CSNK1A1: variants seen among roughly 807,000 people sequenced by gnomAD.
CSNK1A1 encodes the protein casein kinase I isoform alpha.
A neutral mutation model predicts 46.1 loss-of-function variants in CSNK1A1; 7 were observed. That is an observed-to-expected ratio of 0.15 (90% CI 0.09 to 0.29). The LOEUF is 0.29. Among genes scored for constraint, CSNK1A1 ranks in the 10% least tolerant of loss-of-function variants. The probability of loss-of-function intolerance (pLI) is 1.00; values close to 1 mark genes in which losing one functional copy is unlikely to be tolerated. For missense variants in CSNK1A1, 96 were observed against 417.1 expected, an observed-to-expected ratio of 0.23 and a Z score of 6.71; for synonymous variants, 137 against 141.5, an observed-to-expected ratio of 0.97 and a Z score of 0.23.
intron 7 of CSNK1A1, 101 bp downstream of exon 7, chr5:149,509,778 G>A: frequency 5.6e-6 from 4 of 719,328 alleles, no homozygotes; most frequent in Non-Finnish European, 9.0e-6. Context: ...CTGGGCTCAT[G>A]TGACCTACTG....
At chr5:149,513,671 A>G (rs1227675482) in intron 4 of CSNK1A1, among the ~76,000 whole-genome samples, 1 of 152,112 alleles carries the variant, frequency 6.6e-6, no homozygotes, top group African/African-American at 2.4e-5. Context: ...AGGCTGAGGC[A>G]GGCGGATAAC....
At chr5:149,549,564 G>C in intron 2 of CSNK1A1, 1 of 697,836 alleles carries the variant, frequency 1.4e-6, no homozygotes, top group Non-Finnish European at 2.6e-6. Context: ...CTGAGAAAAG[G>C]GCAGGAATAT....
At chr5:149,503,943 A>G in intron 9 of CSNK1A1, 1 of 985,470 alleles carries the variant, frequency 1.0e-6, no homozygotes, top group Non-Finnish European at 1.2e-6. Context: ...GAGAAAAAGC[A>G]AATATACTAT....
rs577922239 is a variant in CSNK1A1, at chr5:149,494,788, T to C, written c.*2065A>G. 1.3e-5 allele frequency: 2 copies of C among 152,294 alleles called. No homozygotes were observed. The highest frequency in any genetic ancestry group is 4.8e-5 in the African/African-American group (2 of 41,578). The allele number at this position is 152,294 out of a possible 1,614,324, so 9.4% of individuals were successfully genotyped here. A position where few individuals can be genotyped will look rare whatever the true frequency, so the allele number is the denominator to read the frequency against. ...TTACAAAGCTAACAGCAGTTTTAAA[T>C]CTGCAACTTAATTACAGACCAACTA... is the stretch of plus-strand genomic sequence containing the variant. On this transcript the variant is annotated 3_prime_UTR_variant, in exon 10 of 10. Transcript: ENST00000377843.
At chr5:149,515,370 G>C (rs903030821) in intron 4 of CSNK1A1, among the ~76,000 whole-genome samples, 1 of 152,140 alleles carries the variant, frequency 6.6e-6, no homozygotes, top group Non-Finnish European at 1.5e-5. Flanking sequence ...ACAACCAAAA[G>C]ACTGCTTTAT....
At chr5:149,504,063 TGG>T (rs1208902436) in intron 9 of CSNK1A1, 32 of 985,324 alleles carry the variant, frequency 3.2e-5, no homozygotes, top group Non-Finnish European at 3.9e-5. Flanking sequence ...ATGAACTTCT[TGG>T]CACTATGATT....
At chr5:149,512,038 T>C (rs1403834897) in intron 5 of CSNK1A1, among the ~76,000 whole-genome samples, 166 bp from the exon 6 acceptor site, 1 of 152,174 alleles carries the variant, frequency 6.6e-6, no homozygotes, top group African/African-American at 2.4e-5. Flanking sequence ...GTTCATGTGT[T>C]ACCTACCTCT....
At position 149,526,437 on chromosome 5, in the gene CSNK1A1, G is replaced by C. The variant is rs1214240596; in HGVS notation, c.231-1266C>G. ...CTGCCTCAGCCTCCCAAAGCACTGGGATTACAAGTTGAACCACTGTACCTC... is the reference window on the plus strand; with the variant it reads ...CTGCCTCAGCCTCCCAAAGCACTGGCATTACAAGTTGAACCACTGTACCTC... On this transcript the variant is annotated intron_variant, in intron 2 of 9. Coordinates refer to ENST00000377843, the MANE Select transcript of CSNK1A1 (RefSeq NM_001892.6). Among the ~76,000 whole-genome samples, 4 of 152,256 alleles carry C rather than the reference G, an allele frequency of 2.6e-5. No homozygotes were observed. The South Asian group carries it at 8.3e-4, about 32-fold the overall frequency.
At chr5:149,506,683 C>G (rs1006671317) in intron 8 of CSNK1A1, among the ~76,000 whole-genome samples, 3 of 152,138 alleles carry the variant, frequency 2.0e-5, no homozygotes, top group African/African-American at 7.2e-5. Flanking sequence ...GACTCCATGA[C>G]TATGTGATAT....
intron 9 of CSNK1A1, chr5:149,499,255 T>G (rs932739325): frequency 1.0e-5 from 10 of 973,748 alleles, no homozygotes; most frequent in Non-Finnish European, 1.2e-5. Flanking sequence ...CCATCTTCAC[T>G]GTAACATCAG....
At chr5:149,542,636 A>G (rs931744757) in intron 2 of CSNK1A1, among the ~76,000 whole-genome samples, 764 of 9,698 alleles carry the variant, frequency 0.079, 64 homozygotes, top group East Asian at 0.2. Flanking sequence ...ATATATATAT[A>G]TATGTATATA....
At chr5:149,501,064 A>T in intron 9 of CSNK1A1, 2 of 985,382 alleles carry the variant, frequency 2.0e-6, no homozygotes, top group Admixed American at 6.1e-5. Flanking sequence ...TGCATTCAAC[A>T]CCACTGAGTC....
Position 149,494,516 on chromosome 5 carries a change from G to A in CSNK1A1, c.*2337C>T, listed in dbSNP as rs772888185. On this transcript the variant is annotated 3_prime_UTR_variant, in exon 10 of 10. Transcript: ENST00000377843. Reference sequence around the variant, plus strand: ...AAGCCACTGTGGAGCCTTAAGTGGTGAGGTCTTCCAATTTCAGAGTGATGT... The same window carrying A: ...AAGCCACTGTGGAGCCTTAAGTGGTAAGGTCTTCCAATTTCAGAGTGATGT... The A allele has an allele frequency of 6.6e-6, 1 of 152,320 alleles. No homozygotes were observed. The highest frequency in any genetic ancestry group is 2.4e-5 in the African/African-American group (1 of 41,562). The allele number at this position is 152,320 out of a possible 1,614,324, so 9.4% of individuals were successfully genotyped here. A position where few individuals can be genotyped will look rare whatever the true frequency, so the allele number is the denominator to read the frequency against.
intron 6 of CSNK1A1, 140 bp downstream of exon 6, chr5:149,511,654 G>C: frequency 1.6e-6 from 1 of 625,712 alleles, no homozygotes; most frequent in East Asian, 3.1e-5. Context: ...CAGATAAAAG[G>C]TAAAAAGTAA....
intron 2 of CSNK1A1, among the ~76,000 whole-genome samples, chr5:149,548,063 G>A (rs905061090): frequency 6.6e-6 from 1 of 151,872 alleles, no homozygotes; most frequent in African/African-American, 2.4e-5. Context: ...TAGAGACGAG[G>A]TTTCACCACG....
At position 149,497,715 on chromosome 5, in the gene CSNK1A1, G is replaced by C. The variant is rs1052212244; in HGVS notation, c.1007-855C>G. On this transcript the variant is annotated intron_variant, in intron 9 of 9. Transcript: ENST00000377843. Reference sequence around the variant, plus strand: ...CACTCTGAGGCACCAATGCTCCTTTGTCTACCTCCTTACAAATGAGCTAGA... The same window carrying C: ...CACTCTGAGGCACCAATGCTCCTTTCTCTACCTCCTTACAAATGAGCTAGA... The C allele has an allele frequency of 3.0e-6, 3 of 985,408 alleles. No individual in the cohort carries two copies. In the African/African-American group the frequency reaches 5.2e-5, roughly 17 times the overall value. The allele number at this position is 985,408 out of a possible 1,614,324, so 61.0% of individuals were successfully genotyped here.
At position 149,500,829 on chromosome 5, in the gene CSNK1A1, A is replaced by C. The variant is rs116026413; in HGVS notation, c.1007-3969T>G. ...AATAATTAAAAAAAAAAAACCTGTA[A>C]TAACTCTTCCTTCCCTATAGAAACT... is the stretch of plus-strand genomic sequence containing the variant. On this transcript the variant is annotated intron_variant, in intron 9 of 9. Transcript: ENST00000377843. 9.6e-3 allele frequency among the ~76,000 whole-genome samples: 1,457 copies of C among 152,146 alleles called. 19 individuals are homozygous for C. The highest frequency in any genetic ancestry group is 0.033 in the African/African-American group (1,363 of 41,502).
rs1561772854 is a variant in CSNK1A1, at chr5:149,542,687, TA to T, written c.230+7387del. Among the ~76,000 whole-genome samples, 7 of 21,254 alleles carry T rather than the reference TA, an allele frequency of 3.3e-4. 1 individual carries two copies. The highest frequency in any genetic ancestry group is 4.8e-4 in the Non-Finnish European group (6 of 12,462). 13.9% of individuals were successfully genotyped at this position (21,254 alleles called of 152,430 possible). On this transcript the variant is annotated intron_variant, in intron 2 of 9. Coordinates refer to ENST00000377843, the MANE Select transcript of CSNK1A1 (RefSeq NM_001892.6). Reference sequence around the variant, plus strand: ...ATATATATATGTATATATATATATATATATATTTTTTTTTTTTTTTTTTTTT... The same window carrying T: ...ATATATATATGTATATATATATATATTATATTTTTTTTTTTTTTTTTTTTT...
Position 149,545,220 on chromosome 5 carries a change from T to G in CSNK1A1, c.230+4855A>C, listed in dbSNP as rs528236201. Among the ~76,000 whole-genome samples the G allele has an allele frequency of 1.8e-4, 28 of 152,028 alleles. No homozygotes were observed. In the South Asian group the frequency reaches 3.5e-3, roughly 19 times the overall value. Reference sequence around the variant, plus strand: ...GGGTCAACTGTAATTTTAAGTGAGCTCTCACATATTAATTGACAAGGTCCA... The same window carrying G: ...GGGTCAACTGTAATTTTAAGTGAGCGCTCACATATTAATTGACAAGGTCCA... On this transcript the variant is annotated intron_variant, in intron 2 of 9. Coordinates refer to ENST00000377843, the MANE Select transcript of CSNK1A1 (RefSeq NM_001892.6).
Sources: allele counts gnomAD v4.1 joint callset (sites outside exome capture counted in the v4.1 genomes callset), GRCh38; gene constraint gnomAD v4.1.1; transcripts MANE v1.5; gene names NCBI Gene and HGNC (gene_info 2026-07-23, HGNC 2026-07-21).